The following HELZ2 variants were observed in gnomAD, a reference collection of about 807,000 sequenced individuals.
HELZ2 encodes 3'-5' exoribonuclease HELZ2.
Under a neutral mutation model 208.8 loss-of-function variants are expected in HELZ2, and 143 were observed. That is an observed-to-expected ratio of 0.68 (90% CI 0.60 to 0.79). HELZ2 has a LOEUF of 0.79. Ranked by LOEUF, HELZ2 falls within the 30% of genes least tolerant of loss-of-function variation. The probability of loss-of-function intolerance (pLI) is 0.00; values close to 1 mark genes in which losing one functional copy is unlikely to be tolerated. For missense variants in HELZ2, 3,690 were observed against 3,794.5 expected, an observed-to-expected ratio of 0.97 and a Z score of 0.72; for synonymous variants, 1,705 against 1,693.7, an observed-to-expected ratio of 1.01 and a Z score of -0.16.
In HELZ2 at chr20:63,569,719, G is replaced by A. The variant is rs566033161; in HGVS notation, c.571-54C>T. 3.5e-5 allele frequency: 50 copies of A among 1,448,676 alleles called. No individual in the cohort carries two copies. In the Admixed American group the frequency reaches 4.5e-4, roughly 13 times the overall value. The allele number at this position is 1,448,676 out of a possible 1,614,324, so 89.7% of individuals were successfully genotyped here. ...GCCCAGGGCTCCCCCCAACCCTCCCGAGAGGCAGCCTGGCCAGCGTAGCCC... is the reference window on the plus strand; with the variant it reads ...GCCCAGGGCTCCCCCCAACCCTCCCAAGAGGCAGCCTGGCCAGCGTAGCCC... On this transcript the variant is annotated intron_variant, in intron 3 of 18. Transcript: ENST00000467148.
At chr20:63,561,006 C>T (rs1410239059) in intron 14 of HELZ2, 76 bp downstream of exon 15, 2 of 1,595,468 alleles carry the variant, frequency 1.3e-6, no homozygotes, top group Non-Finnish European at 1.7e-6. Context: ...CCCGCGTCTG[C>T]ACACACAGGG....
At chr20:63,560,753 A>C (rs772384657) in intron 15 of HELZ2, 42 bp downstream of exon 16, 4 of 1,604,622 alleles carry the variant, frequency 2.5e-6, no homozygotes, top group Non-Finnish European at 3.4e-6. Context: ...GTGGCCCCCC[A>C]GGGGCTGCAG....
rs1218410427 is a variant in HELZ2, at chr20:63,565,068, G to GCC, written c.3752_3753dup (p.Leu1252GlyfsTer56). On this transcript the variant is annotated frameshift_variant, in exon 8 of 19. Coordinates refer to ENST00000467148, the Ensembl canonical transcript of HELZ2. LOFTEE classifies it high-confidence loss of function. ...CGGGCCTCGGCGGTGAGCCTCTCAAGCCCCACACGCTGCAGCCGGCCCTTC... is the reference window on the plus strand; with the variant it reads ...CGGGCCTCGGCGGTGAGCCTCTCAAGCCCCCCACACGCTGCAGCCGGCCCTTC... 1 of 1,563,428 alleles carries GCC rather than the reference G, an allele frequency of 6.4e-7. No individual in the cohort carries two copies. The highest frequency in any genetic ancestry group is 1.9e-5 in the Admixed American group (1 of 52,476).
At chr20:63,567,137 C>T (rs114630740) in exon 6 of HELZ2, 105 of 1,611,070 alleles carry the variant, frequency 6.5e-5, no homozygotes, top group Middle Eastern at 3.3e-4. Context: ...CGGTAGTTCT[C>T]GTGGAAGACC....
chr20:63,567,343 A>T, exon 6 of HELZ2: 2 of 1,606,002 alleles, frequency 1.2e-6, no homozygotes, highest in Non-Finnish European at 1.7e-6. Flanking sequence ...GCACTCCAGC[A>T]TCTGGGCCGC....
At chr20:63,570,647 A>ACGCCCCCC in intron 2 of HELZ2, 36 bp from the exon 4 acceptor site, 5 of 1,497,372 alleles carry the variant, frequency 3.3e-6, no homozygotes, top group Non-Finnish European at 4.6e-6. Flanking sequence ...AGAGGCCTGG[A>ACGCCCCCC]CCCCACCCCA....
exon 8 of HELZ2, chr20:63,563,355 C>A (rs747031235): frequency 7.8e-6 from 12 of 1,537,816 alleles, no homozygotes; most frequent in Middle Eastern, 1.7e-4. Context: ...GCCGTCTCCA[C>A]GGCCAGGGTG....
chr20:63,562,537 G>C, exon 8 of HELZ2: 6 of 1,586,490 alleles, frequency 3.8e-6, no homozygotes, highest in Non-Finnish European at 5.1e-6. Context: ...GAAGCTGCTT[G>C]GGCAGCAGCT....
At chr20:63,559,788 G>A in intron 18 of HELZ2, 140 bp downstream of exon 19, 2 of 586,418 alleles carry the variant, frequency 3.4e-6, no homozygotes, top group East Asian at 6.8e-5. Flanking sequence ...GTCAGTCAGA[G>A]TCAGGTGGGA....
exon 6 of HELZ2, chr20:63,567,326 G>A (rs2082973257): frequency 1.5e-5 from 24 of 1,608,634 alleles, no homozygotes; most frequent in Non-Finnish European, 2.0e-5. Context: ...AGCGGGGTGA[G>A]GGCCTCGCAC....
chr20:63,560,741 T>C (rs1214611708), intron 15 of HELZ2, 44 bp from the exon 17 acceptor site: 3 of 1,603,368 alleles, frequency 1.9e-6, no homozygotes, highest in Non-Finnish European at 1.7e-6. Flanking sequence ...CCACGCGGGG[T>C]TGTGGCCCCC....
In HELZ2 at chr20:63,562,987, C is replaced by T; in HGVS notation, c.5835G>A (p.Trp1945Ter). 1 of 1,598,198 alleles carries T rather than the reference C, an allele frequency of 6.3e-7. No individual in the cohort carries two copies. The highest frequency in any genetic ancestry group is 8.5e-7 in the Non-Finnish European group (1 of 1,173,004). ...CCGACTCCAGGGCGCAGAATGGTTC[C>T]CACACGCAGGCGTACTCATCCACGT... The change falls in exon 8 of 19, where the codon TGG (tryptophan) becomes TGA (stop). Residue 1945 changes from tryptophan to a stop codon, truncating the protein, a stop_gained. Transcript: ENST00000467148. LOFTEE classifies it high-confidence loss of function.
chr20:63,572,373 C>A lies in HELZ2; in HGVS notation c.13G>T (p.Glu5Ter), dbSNP rs866156692. Residue 5 changes from glutamate (E) to a stop codon, truncating the protein, a stop_gained, in exon 1 of 19, where the codon GAG (glutamate) becomes TAG (stop). Coordinates refer to ENST00000467148, the Ensembl canonical transcript of HELZ2. LOFTEE classifies it high-confidence loss of function. ...TGGAGGCCACCCAGCTGCTCGGCCT[C>A]CCACACAGCCATCTCCACGGCGCTG... The A allele has an allele frequency of 6.5e-7, 1 of 1,541,388 alleles. No individual in the cohort carries two copies.
At chr20:63,562,469 G>T in intron 8 of HELZ2, 51 bp downstream of exon 9, 1 of 1,523,508 alleles carries the variant, frequency 6.6e-7, no homozygotes, top group Non-Finnish European at 8.8e-7. Context: ...CTGCAAGTGA[G>T]GGGCCCGGGG....
At chr20:63,563,656 C>G in exon 8 of HELZ2, 1 of 1,557,558 alleles carries the variant, frequency 6.4e-7, no homozygotes, top group Non-Finnish European at 8.6e-7. Flanking sequence ...TGCGCGCCCG[C>G]CGCTGATAGC....
exon 8 of HELZ2, chr20:63,562,804 G>A: frequency 6.2e-7 from 1 of 1,610,234 alleles, no homozygotes; most frequent in South Asian, 1.1e-5. Context: ...TGCAGAGGTA[G>A]CAGCAGCTGA....
chr20:63,569,078 G>A (rs2082993027), intron 4 of HELZ2, 70 bp downstream of exon 5: 6 of 1,586,068 alleles, frequency 3.8e-6, no homozygotes, highest in East Asian at 2.2e-5. Context: ...ATCCGCTCCC[G>A]TTGCCCCAGC....
chr20:63,568,103 G>A, intron 5 of HELZ2: 1 of 570,936 alleles, frequency 1.8e-6, no homozygotes. Flanking sequence ...TCCTGGGTGG[G>A]CCATGCTGCA....
intron 5 of HELZ2, 151 bp downstream of exon 6, chr20:63,568,207 G>A: frequency 1.5e-6 from 1 of 672,750 alleles, no homozygotes; most frequent in Non-Finnish European, 2.6e-6. Flanking sequence ...GGTGCCCTGA[G>A]CTGGGCCTGA....
Sources: gnomAD v4.1 joint callset for allele counts on GRCh38, gnomAD v4.1.1 for gene constraint, MANE v1.5 for transcripts, NCBI Gene and HGNC (gene_info 2026-07-23, HGNC 2026-07-21) for gene names.